The following CFAP58 variants were observed in gnomAD, a reference collection of about 807,000 sequenced individuals.
CFAP58 encodes the protein cilia and flagella associated protein 58, also known as cilia- and flagella-associated protein 58.
In CFAP58, 88 loss-of-function variants were observed where a neutral mutation model predicts 119.5. The observed-to-expected ratio is 0.74, with a 90% confidence interval of 0.62 to 0.88. The LOEUF (loss-of-function observed/expected upper bound fraction) is 0.88, where lower values mean the gene tolerates loss of function less well. Among genes scored for constraint, CFAP58 ranks in the 40% least tolerant of loss-of-function variants. The probability of loss-of-function intolerance (pLI) is 0.00; values close to 1 mark genes in which losing one functional copy is unlikely to be tolerated. For synonymous variants in CFAP58, 365 were observed against 366.3 expected, an observed-to-expected ratio of 1.00 and a Z score of 0.04; for missense variants, 990 against 1,021.2, an observed-to-expected ratio of 0.97 and a Z score of 0.42.
At chr10:104,369,737 A>G (rs2014798023) in intron 6 of CFAP58, among the ~76,000 whole-genome samples, 2 of 152,220 alleles carry the variant, frequency 1.3e-5, no homozygotes, top group Non-Finnish European at 2.9e-5. Flanking sequence ...AATGGGATTC[A>G]GCCTCTAGCA....
intron 4 of CFAP58, 34 bp downstream of exon 4, chr10:104,364,923 C>T: frequency 6.3e-7 from 1 of 1,598,412 alleles, no homozygotes. Flanking sequence ...AGGAATATTT[C>T]CTTCCAGAGG....
At chr10:104,342,190 A>G in the CFAP58 span, among the ~76,000 whole-genome samples, 1 of 152,220 alleles carries the variant, frequency 6.6e-6, no homozygotes, top group African/African-American at 2.4e-5. Flanking sequence ...TGCCCTCCAA[A>G]GAGATCTCAC....
chr10:104,406,668 A>G (rs2012364448), intron 14 of CFAP58, 21 bp from the exon 15 acceptor site: 2 of 1,599,560 alleles, frequency 1.3e-6, no homozygotes. Context: ...CTCAGCTGCT[A>G]TTGTTGTTCC....
chr10:104,428,090 T>G (rs2012779061), intron 15 of CFAP58, among the ~76,000 whole-genome samples: 1 of 152,146 alleles, frequency 6.6e-6, no homozygotes, highest in Non-Finnish European at 1.5e-5. Flanking sequence ...CAAAGCTCAT[T>G]TGGTTGTTTG....
At chr10:104,396,804 A>G (rs1001940661) in intron 11 of CFAP58, among the ~76,000 whole-genome samples, 2 of 152,234 alleles carry the variant, frequency 1.3e-5, no homozygotes, top group Non-Finnish European at 2.9e-5. Flanking sequence ...TTTTGAATGC[A>G]TAGTGGTTGT....
At chr10:104,420,031 C>T (rs1005824950) in intron 15 of CFAP58, among the ~76,000 whole-genome samples, 3 of 151,892 alleles carry the variant, frequency 2.0e-5, no homozygotes, top group Non-Finnish European at 4.4e-5. Context: ...TTTATGGGCC[C>T]TCAGAAAGTG....
intron 4 of CFAP58, among the ~76,000 whole-genome samples, chr10:104,365,177 G>A (rs938551980): frequency 6.6e-6 from 1 of 152,112 alleles, no homozygotes; most frequent in Non-Finnish European, 1.5e-5. Flanking sequence ...AGGCCAGGGG[G>A]CCCAACATCT....
intron 17 of CFAP58, among the ~76,000 whole-genome samples, chr10:104,452,040 G>C (rs1384828920): frequency 6.6e-6 from 1 of 152,018 alleles, no homozygotes; most frequent in African/African-American, 2.4e-5. Flanking sequence ...TGCCCTGCCA[G>C]TAAAACGTTT....
chr10:104,358,110 C>T (rs1464222973), intron 1 of CFAP58, among the ~76,000 whole-genome samples: 1 of 149,520 alleles, frequency 6.7e-6, no homozygotes, highest in African/African-American at 2.5e-5. Flanking sequence ...TACATATATA[C>T]ACATATATAT....
At chr10:104,344,835 T>C in the CFAP58 span, among the ~76,000 whole-genome samples, 4 of 152,080 alleles carry the variant, frequency 2.6e-5, no homozygotes, top group African/African-American at 9.7e-5. Flanking sequence ...CAGCAGGTAT[T>C]GGCAAGAAAG....
chr10:104,421,361 G>A (rs550672375), intron 15 of CFAP58, among the ~76,000 whole-genome samples: 6 of 152,300 alleles, frequency 3.9e-5, no homozygotes, highest in South Asian at 4.1e-4. Flanking sequence ...CTGGTTGGTC[G>A]CAGCCTGAGA....
intron 7 of CFAP58, among the ~76,000 whole-genome samples, chr10:104,374,193 C>T (rs916030104): frequency 6.6e-6 from 1 of 151,920 alleles, no homozygotes; most frequent in Non-Finnish European, 1.5e-5. Flanking sequence ...GGAGTGGTGG[C>T]TCACGCCTAT....
intron 15 of CFAP58, among the ~76,000 whole-genome samples, chr10:104,414,338 T>C (rs567349822): frequency 1.3e-5 from 2 of 152,230 alleles, no homozygotes; most frequent in South Asian, 4.1e-4. Context: ...CTTCAAGGCT[T>C]GGGGGAGAAG....
Position 104,364,888 on chromosome 10 carries a change from A to G in CFAP58, c.596A>G (p.Gln199Arg), listed in dbSNP as rs747883474. The change falls in exon 4 of 18, where the codon CAG (glutamine) becomes CGG (arginine). Residue 199 changes from glutamine (Q) to arginine (R), a missense_variant and splice_region_variant. By Grantham distance (43) the Gln-to-Arg change is conservative. Coordinates refer to ENST00000369704, the MANE Select transcript of CFAP58 (RefSeq NM_001008723.2). ...GAGGAGGCTGAACATGCCATCAGTCAGGTCTGCCATGGAGGGCAAGAAGAA... is the reference window on the plus strand; with the variant it reads ...GAGGAGGCTGAACATGCCATCAGTCGGGTCTGCCATGGAGGGCAAGAAGAA... ...SKEEAEHAIS[Q>R]FQQEIQQRQN... 8 of 1,611,372 alleles carry G rather than the reference A, an allele frequency of 5.0e-6. No homozygotes were observed. The Admixed American group carries it at 8.4e-5, about 17-fold the overall frequency.
rs1042858819 is a variant in CFAP58, at chr10:104,389,781, T to C, written c.1366-2452T>C. On this transcript the variant is annotated intron_variant, in intron 9 of 17. Transcript: ENST00000369704. ...GTGAATGAATAAATGGGGGAGTGAA[T>C]GAATAAGTGAACAATACTGTACTCT... Among the ~76,000 whole-genome samples the C allele has an allele frequency of 3.3e-5, 5 of 152,068 alleles. 1 individual carries two copies. Among genetic ancestry groups the C allele is most frequent in the African/African-American group, 1.2e-4 (5 of 41,408 alleles).
chr10:104,403,492 T>G (rs1299002838), intron 13 of CFAP58, among the ~76,000 whole-genome samples: 1 of 150,266 alleles, frequency 6.7e-6, no homozygotes, highest in Non-Finnish European at 1.5e-5. Flanking sequence ...ACCATGACTC[T>G]GACTCTGAAG....
intron 15 of CFAP58, among the ~76,000 whole-genome samples, chr10:104,441,582 C>T (rs567097655): frequency 4.6e-5 from 7 of 152,138 alleles, no homozygotes; most frequent in East Asian, 1.9e-4. Flanking sequence ...AAATAAAGTC[C>T]CTTGCAAAAA....
intron 15 of CFAP58, among the ~76,000 whole-genome samples, chr10:104,423,544 G>GTTT (rs33943621): frequency 1.4e-5 from 2 of 146,022 alleles, no homozygotes; most frequent in East Asian, 2.0e-4. Context: ...TTAAACAGGA[G>GTTT]TTTTTTTTTT....
chr10:104,409,615 T>G (rs2012427412), intron 15 of CFAP58, among the ~76,000 whole-genome samples: 1 of 152,214 alleles, frequency 6.6e-6, no homozygotes, highest in Admixed American at 6.5e-5. Flanking sequence ...TCTGACATTT[T>G]TCGCTTTAAG....
Sources: allele counts gnomAD v4.1 joint callset (sites outside exome capture counted in the v4.1 genomes callset), GRCh38; gene constraint gnomAD v4.1.1; transcripts MANE v1.5; gene names NCBI Gene and HGNC (gene_info 2026-07-23, HGNC 2026-07-21).